MBNL1: variants seen among roughly 807,000 people sequenced by gnomAD.
MBNL1 encodes the protein muscleblind-like protein 1.
MBNL1 carries 8 observed loss-of-function variants against 42.2 expected under a neutral mutation model. The ratio of observed to expected loss-of-function variants is 0.19; its 90% CI spans 0.11 to 0.34. The LOEUF is 0.34. Among genes scored for constraint, MBNL1 ranks in the 10% least tolerant of loss-of-function variants. The pLI is 1.00. For synonymous variants in MBNL1, 169 were observed against 173.9 expected, an observed-to-expected ratio of 0.97 and a Z score of 0.22; for missense variants, 309 against 495.3, an observed-to-expected ratio of 0.62 and a Z score of 3.57.
At chr3:152,326,358 A>G (rs1373773652) in intron 2 of MBNL1, among the ~76,000 whole-genome samples, 5 of 152,106 alleles carry the variant, frequency 3.3e-5, no homozygotes, top group African/African-American at 4.8e-5. Context: ...TTTCTATTTC[A>G]TCATATCAAG....
intron 2 of MBNL1, among the ~76,000 whole-genome samples, chr3:152,320,147 C>T (rs987881812): frequency 2.6e-5 from 4 of 152,060 alleles, no homozygotes; most frequent in Admixed American, 6.6e-5. Context: ...GAATTGAATG[C>T]GATGTTTCTT....
At chr3:152,396,761 T>A (rs2097963145) in intron 2 of MBNL1, among the ~76,000 whole-genome samples, 1 of 152,186 alleles carries the variant, frequency 6.6e-6, no homozygotes, top group Non-Finnish European at 1.5e-5. Context: ...GGTTGTCAGA[T>A]AACAGAGATA....
chr3:152,296,131 A>C (rs1577319793), intron 1 of MBNL1, among the ~76,000 whole-genome samples: 1 of 152,262 alleles, frequency 6.6e-6, no homozygotes, highest in South Asian at 2.1e-4. Flanking sequence ...ACGGTAGATG[A>C]CTCTTTAGAT....
At chr3:152,385,202 TTTAAAAAAATA>T (rs1488529907) in intron 2 of MBNL1, among the ~76,000 whole-genome samples, 1 of 152,030 alleles carries the variant, frequency 6.6e-6, no homozygotes, top group Non-Finnish European at 1.5e-5. Context: ...AAATATGCCT[TTTAAAAAAATA>T]TTTCTTCTTG....
At chr3:152,433,975 G>A (rs2099044256) in intron 4 of MBNL1, among the ~76,000 whole-genome samples, 1 of 152,164 alleles carries the variant, frequency 6.6e-6, no homozygotes, top group Admixed American at 6.5e-5. Flanking sequence ...AGGTACAAAC[G>A]TGTCATTCAT....
intron 2 of MBNL1, among the ~76,000 whole-genome samples, chr3:152,346,692 G>T (rs1330265767): frequency 1.3e-5 from 2 of 152,050 alleles, no homozygotes; most frequent in Non-Finnish European, 2.9e-5. Flanking sequence ...CGTCAAAAAT[G>T]AAGGTTATCT....
chr3:152,388,144 C>CATGTAATCGATTGTTTT (rs1327607093), intron 2 of MBNL1, among the ~76,000 whole-genome samples: 1 of 152,154 alleles, frequency 6.6e-6, no homozygotes, highest in African/African-American at 2.4e-5. Flanking sequence ...AGATTCATTA[C>CATGTAATCGATTGTTTT]ATGTAATCGA....
intron 5 of MBNL1, among the ~76,000 whole-genome samples, chr3:152,447,228 ACT>A (rs2099240851): frequency 6.6e-6 from 1 of 152,094 alleles, no homozygotes; most frequent in Non-Finnish European, 1.5e-5. Context: ...TGTTTCAGTC[ACT>A]CTGTACAATT....
intron 2 of MBNL1, among the ~76,000 whole-genome samples, chr3:152,339,367 G>A (rs2092436222): frequency 6.6e-6 from 1 of 152,184 alleles, no homozygotes; most frequent in African/African-American, 2.4e-5. Context: ...GGGTGTGTGT[G>A]TGTATGATGG....
intron 2 of MBNL1, among the ~76,000 whole-genome samples, chr3:152,329,687 C>A (rs879709624): frequency 4.2e-5 from 6 of 142,122 alleles, no homozygotes; most frequent in Non-Finnish European, 9.2e-5. Context: ...ATATATATAT[C>A]TTATATATTA....
intron 2 of MBNL1, among the ~76,000 whole-genome samples, chr3:152,251,626 CATT>C (rs978376738): frequency 6.6e-6 from 1 of 151,852 alleles, no homozygotes; most frequent in African/African-American, 2.4e-5. Context: ...AAGTGCTCCT[CATT>C]GTTTATTTTT....
intron 2 of MBNL1, among the ~76,000 whole-genome samples, chr3:152,332,763 A>C (rs2086116549): frequency 6.9e-6 from 1 of 144,640 alleles, no homozygotes; most frequent in African/African-American, 2.6e-5. Flanking sequence ...CGCACACACT[A>C]GTTTATATTA....
intron 2 of MBNL1, among the ~76,000 whole-genome samples, chr3:152,332,692 TTG>T (rs71144115): frequency 0.11 from 14,892 of 132,836 alleles, 820 homozygotes; most frequent in Admixed American, 0.12. Flanking sequence ...TTTCATGGTT[TTG>T]TGTGTGTGTG....
intron 2 of MBNL1, among the ~76,000 whole-genome samples, chr3:152,335,858 G>A (rs575214854): frequency 6.6e-6 from 1 of 152,270 alleles, no homozygotes; most frequent in Non-Finnish European, 1.5e-5. Context: ...CAGTGGCATA[G>A]TAAAGGTTCT....
At chr3:152,354,288 C>T (rs2095338502) in intron 2 of MBNL1, among the ~76,000 whole-genome samples, 1 of 152,102 alleles carries the variant, frequency 6.6e-6, no homozygotes, top group Admixed American at 6.5e-5. Context: ...GACCCTGTCT[C>T]TAAAAATAAT....
intron 2 of MBNL1, chr3:152,340,423 T>G: frequency 1.4e-6 from 2 of 1,385,072 alleles, no homozygotes; most frequent in South Asian, 2.9e-5. Flanking sequence ...AGTTTTTTCC[T>G]GCCAAGTTCA....
At chr3:152,291,568 T>C (rs2056027503) in intron 1 of MBNL1, among the ~76,000 whole-genome samples, 1 of 152,242 alleles carries the variant, frequency 6.6e-6, no homozygotes, top group African/African-American at 2.4e-5. Flanking sequence ...AAATCTTCAG[T>C]TATACCACAA....
intron 1 of MBNL1, among the ~76,000 whole-genome samples, chr3:152,274,211 A>G (rs1249377879): frequency 7.9e-6 from 1 of 127,112 alleles, no homozygotes; most frequent in Non-Finnish European, 1.7e-5. Flanking sequence ...AGCTAAGAAG[A>G]TTCTAGATTT....
chr3:152,285,011 C>T (rs1577119728), intron 1 of MBNL1, among the ~76,000 whole-genome samples: 2 of 152,086 alleles, frequency 1.3e-5, no homozygotes, highest in East Asian at 1.9e-4. Flanking sequence ...ATTTTCTTGT[C>T]TCCAGGTATA....
Sources: gnomAD v4.1 joint callset for allele counts (sites outside exome capture counted in the v4.1 genomes callset) on GRCh38, gnomAD v4.1.1 for gene constraint, MANE v1.5 for transcripts, NCBI Gene and HGNC (gene_info 2026-07-23, HGNC 2026-07-21) for gene names.